WASF1: variants seen among roughly 807,000 people sequenced by gnomAD.
WASF1 encodes WASP family member 1, also known as actin-binding protein WASF1.
Under a neutral mutation model 50.5 loss-of-function variants are expected in WASF1, and 7 were observed. The observed-to-expected ratio is 0.14, with a 90% CI of 0.08 to 0.26. The LOEUF is 0.26. WASF1 is among the 10% of genes least tolerant of loss of function. The pLI is 1.00. For synonymous variants in WASF1, 205 were observed against 244.0 expected (o/e 0.84, Z 1.49); for missense variants, 470 against 694.7 (o/e 0.68, Z 3.64).
chr6:110,144,308 T>G (rs1361174017), intron 3 of WASF1, among the ~76,000 whole-genome samples: 1 of 152,012 alleles, frequency 6.6e-6, no homozygotes, highest in Non-Finnish European at 1.5e-5. Context: ...GGTGATGGGG[T>G]TGTTTGTTTT....
chr6:110,155,568 T>A lies in WASF1; in HGVS notation c.-29+5067A>T, dbSNP rs1776032126. Among the ~76,000 whole-genome samples, 6 of 116,046 alleles carry A rather than the reference T, an allele frequency of 5.2e-5. No individual in the cohort carries two copies. The South Asian group carries it at 1.9e-3, about 37-fold the overall frequency. The allele number at this position is 116,046 out of a possible 152,430, so 76.1% of individuals were successfully genotyped here. A position where few individuals can be genotyped will look rare whatever the true frequency, so the allele number is the denominator to read the frequency against. On this transcript the variant is annotated intron_variant, in intron 3 of 10. Transcript: ENST00000392589. ...TTTTTTTTTTTTTTTTTTTTTTTAT[T>A]ATACTCTAAGTTTTAGGGTACATGT...
intron 3 of WASF1, among the ~76,000 whole-genome samples, chr6:110,153,460 AT>A (rs1473664783): frequency 1.3e-5 from 2 of 152,192 alleles, no homozygotes; most frequent in Non-Finnish European, 2.9e-5. Flanking sequence ...GAGCCCTAAT[AT>A]TTAAAAGAAG....
intron 2 of WASF1, among the ~76,000 whole-genome samples, chr6:110,170,088 G>A (rs1281782543): frequency 2.0e-5 from 3 of 152,114 alleles, no homozygotes; most frequent in Non-Finnish European, 4.4e-5. Context: ...CATACAAAAA[G>A]AGAGGCAAAC....
At chr6:110,134,915 T>C (rs1774876726) in intron 3 of WASF1, among the ~76,000 whole-genome samples, 1 of 152,100 alleles carries the variant, frequency 6.6e-6, no homozygotes, top group African/African-American at 2.4e-5. Context: ...AGAATGACAG[T>C]GGTATTTTGA....
Position 110,107,195 on chromosome 6 carries a change from CTGAAATA to C in WASF1, c.423-8_423-2del, listed in dbSNP as rs1773358559. 6.4e-7 allele frequency: 1 copy of C among 1,553,964 alleles called. No homozygotes were observed. The highest frequency in any genetic ancestry group is 1.4e-5 in the African/African-American group (1 of 72,406). On this transcript the variant is annotated splice_acceptor_variant and splice_polypyrimidine_tract_variant and intron_variant, in intron 6 of 10. Coordinates refer to ENST00000392589, the MANE Select transcript of WASF1 (RefSeq NM_003931.3). LOFTEE classifies it high-confidence loss of function. ...CTTCAGACCTTCTTTACCATCATCT[CTGAAATA>C]TAAAATATCAATTAAAACACACATT...
At chr6:110,136,147 G>C (rs921931831) in intron 3 of WASF1, among the ~76,000 whole-genome samples, 2 of 151,970 alleles carry the variant, frequency 1.3e-5, no homozygotes, top group South Asian at 4.2e-4. Context: ...GCCTCCCAAA[G>C]TGCTGGGACT....
chr6:110,141,235 G>T (rs1192413247), intron 3 of WASF1, among the ~76,000 whole-genome samples: 1 of 151,518 alleles, frequency 6.6e-6, no homozygotes, highest in African/African-American at 2.4e-5. Context: ...AATATACAAG[G>T]TTCTTCAGGA....
chr6:110,127,261 T>A (rs1218535784), intron 4 of WASF1, among the ~76,000 whole-genome samples: 1 of 152,146 alleles, frequency 6.6e-6, no homozygotes, highest in Non-Finnish European at 1.5e-5. Flanking sequence ...AGAGATTCTG[T>A]CCGTATTTTC....
chr6:110,102,885 G>C (rs1178791278), intron 9 of WASF1, among the ~76,000 whole-genome samples: 3 of 152,100 alleles, frequency 2.0e-5, no homozygotes, highest in Non-Finnish European at 1.5e-5. Context: ...ATTATTATAA[G>C]CAACTGCCAA....
At chr6:110,136,446 T>C (rs1417796661) in intron 3 of WASF1, among the ~76,000 whole-genome samples, 1 of 152,224 alleles carries the variant, frequency 6.6e-6, no homozygotes, top group African/African-American at 2.4e-5. Context: ...ACATCTTCTA[T>C]AGCTTTACTG....
intron 3 of WASF1, among the ~76,000 whole-genome samples, chr6:110,155,705 C>T (rs1367178567): frequency 1.7e-5 from 1 of 59,620 alleles, no homozygotes. Flanking sequence ...CCTCCCCCCT[C>T]CCCCGACCCC....
chr6:110,103,559 TA>T lies in WASF1; in HGVS notation c.714-3del. ...ATATGATCCACGTATGTCTGAGGTC[TA>T]AAAGAAATATATAGTATCAGTGAAT... On this transcript the variant is annotated splice_polypyrimidine_tract_variant and splice_region_variant and intron_variant, in intron 8 of 10. Coordinates refer to ENST00000392589, the MANE Select transcript of WASF1 (RefSeq NM_003931.3). 1 of 1,606,442 alleles carries T rather than the reference TA, an allele frequency of 6.2e-7. No individual in the cohort carries two copies. Among genetic ancestry groups the T allele is most frequent in the Non-Finnish European group, 8.5e-7 (1 of 1,175,264 alleles).
intron 3 of WASF1, among the ~76,000 whole-genome samples, chr6:110,139,929 C>G (rs1775151417): frequency 6.6e-6 from 1 of 152,186 alleles, no homozygotes; most frequent in South Asian, 2.1e-4. Context: ...CTCGCTCTCT[C>G]AAAACATCTA....
Position 110,175,596 on chromosome 6 carries a change from C to T in WASF1, c.-127+3002G>A, listed in dbSNP as rs192721284. On this transcript the variant is annotated intron_variant, in intron 2 of 10. Coordinates refer to ENST00000392589, the MANE Select transcript of WASF1 (RefSeq NM_003931.3). ...TTTATTTGTAGCTAAAACAGATCTC[C>T]GAAGTCATCTACTTCTACCTTTTCA... Among the ~76,000 whole-genome samples, 49 of 152,256 alleles carry T rather than the reference C, an allele frequency of 3.2e-4. 1 individual carries two copies. The East Asian group carries it at 9.1e-3, about 28-fold the overall frequency.
intron 6 of WASF1, among the ~76,000 whole-genome samples, 195 bp from the exon 7 acceptor site, chr6:110,107,389 A>C (rs1696304659): frequency 6.6e-6 from 1 of 152,228 alleles, no homozygotes. Context: ...GTGGTAAAGC[A>C]GATGCTTTTC....
In WASF1 at chr6:110,135,969, C is replaced by T. The variant is rs190074743; in HGVS notation, c.-28-8340G>A. ...CGCAATCTCAACTCACTGCAAGCTC[C>T]GCCTCCCGGGTTCATGCCATTCTTC... On this transcript the variant is annotated intron_variant, in intron 3 of 10. Coordinates refer to ENST00000392589, the MANE Select transcript of WASF1 (RefSeq NM_003931.3). Among the ~76,000 whole-genome samples, 279 of 149,866 alleles carry T rather than the reference C, an allele frequency of 1.9e-3. 2 individuals are homozygous for T. Among genetic ancestry groups the T allele is most frequent in the African/African-American group, 6.5e-3 (263 of 40,668 alleles).
intron 3 of WASF1, among the ~76,000 whole-genome samples, chr6:110,141,601 C>T (rs1304525920): frequency 6.6e-6 from 1 of 151,986 alleles, no homozygotes. Flanking sequence ...TTTTAGAAGG[C>T]AAAAATCTTG....
At chr6:110,139,404 C>T (rs1775119817) in intron 3 of WASF1, among the ~76,000 whole-genome samples, 1 of 152,238 alleles carries the variant, frequency 6.6e-6, no homozygotes, top group Admixed American at 6.5e-5. Context: ...CGCTCCTCCC[C>T]CGTTGCAGCC....
chr6:110,174,800 A>G (rs1776856100), intron 2 of WASF1, among the ~76,000 whole-genome samples: 1 of 152,148 alleles, frequency 6.6e-6, no homozygotes. Flanking sequence ...TAAATACTCC[A>G]ATGCATATGA....
Sources: allele counts gnomAD v4.1 joint callset (sites outside exome capture counted in the v4.1 genomes callset), GRCh38; gene constraint gnomAD v4.1.1; transcripts MANE v1.5; gene names NCBI Gene and HGNC (gene_info 2026-07-23, HGNC 2026-07-21).